The following MAGI2 variants were observed in gnomAD, a reference collection of about 807,000 sequenced individuals.
MAGI2 encodes membrane associated guanylate kinase, WW and PDZ domain containing 2.
Under a neutral mutation model 133.3 loss-of-function variants are expected in MAGI2, and 35 were observed. The observed-to-expected ratio is 0.26, with a 90% CI of 0.20 to 0.35. The LOEUF is 0.35. MAGI2 is among the 10% of genes least tolerant of loss of function. The pLI is 1.00. For missense variants in MAGI2, 1,636 were observed against 1,863.4 expected (o/e 0.88, Z 2.25); for synonymous variants, 729 against 710.6 (o/e 1.03, Z -0.41).
At chr7:78,369,442 T>TGC (rs1793706800) in intron 6 of MAGI2, among the ~76,000 whole-genome samples, 1 of 152,100 alleles carries the variant, frequency 6.6e-6, no homozygotes, top group Non-Finnish European at 1.5e-5. Context: ...CTGCTCGGTC[T>TGC]AGCCATTTGT....
chr7:78,886,630 G>C (rs1796293943), intron 2 of MAGI2, among the ~76,000 whole-genome samples: 1 of 152,184 alleles, frequency 6.6e-6, no homozygotes, highest in Non-Finnish European at 1.5e-5. Flanking sequence ...TCAGCACTGG[G>C]TGGATAATCC....
chr7:78,746,197 G>A (rs1822913158), intron 2 of MAGI2, among the ~76,000 whole-genome samples: 1 of 152,174 alleles, frequency 6.6e-6, no homozygotes, highest in South Asian at 2.1e-4. Context: ...TTCTCAAAGA[G>A]CAATTTTGTA....
chr7:79,199,172 A>G (rs1297206469), intron 1 of MAGI2, among the ~76,000 whole-genome samples: 1 of 152,074 alleles, frequency 6.6e-6, no homozygotes, highest in Non-Finnish European at 1.5e-5. Flanking sequence ...CATTTTGTAA[A>G]GCTTAGATTC....
intron 2 of MAGI2, among the ~76,000 whole-genome samples, chr7:78,958,322 A>ATCCCCACC (rs1480169777): frequency 6.6e-6 from 1 of 152,122 alleles, no homozygotes; most frequent in Non-Finnish European, 1.5e-5. Flanking sequence ...GGGTGAGATG[A>ATCCCCACC]CATAGGCTTT....
At chr7:78,866,273 T>C (rs982083042) in intron 2 of MAGI2, among the ~76,000 whole-genome samples, 1 of 152,112 alleles carries the variant, frequency 6.6e-6, no homozygotes. Flanking sequence ...ATTCAGCCAC[T>C]TGATGGAATG....
At chr7:78,710,302 G>A (rs2627542) in intron 2 of MAGI2, among the ~76,000 whole-genome samples, 103,305 of 152,022 alleles carry the variant, frequency 0.68, 35,238 homozygotes, top group East Asian at 0.84. Context: ...TAAATCCTTT[G>A]CCAGCCCTGC....
At chr7:78,715,278 A>T (rs1167178098) in intron 2 of MAGI2, among the ~76,000 whole-genome samples, 1 of 152,164 alleles carries the variant, frequency 6.6e-6, no homozygotes, top group Non-Finnish European at 1.5e-5. Context: ...AGTGAATTGG[A>T]ATGGACTCCT....
chr7:78,751,720 A>G (rs909124770), intron 2 of MAGI2, among the ~76,000 whole-genome samples: 1 of 152,232 alleles, frequency 6.6e-6, no homozygotes, highest in Non-Finnish European at 1.5e-5. Flanking sequence ...TCAACTCAGG[A>G]CAAACTATAA....
At chr7:78,129,834 C>G (rs1821370889) in intron 18 of MAGI2, among the ~76,000 whole-genome samples, 1 of 147,958 alleles carries the variant, frequency 6.8e-6, no homozygotes, top group Non-Finnish European at 1.5e-5. Flanking sequence ...ACTAAGGAGG[C>G]TGAGGCAGGA....
chr7:78,586,501 A>C, intron 3 of MAGI2, among the ~76,000 whole-genome samples: 1 of 152,236 alleles, frequency 6.6e-6, no homozygotes, highest in East Asian at 1.9e-4. Flanking sequence ...CTGGGCAATA[A>C]GGCAGACTGA....
At chr7:79,090,507 G>A (rs967472362) in intron 1 of MAGI2, among the ~76,000 whole-genome samples, 2 of 152,090 alleles carry the variant, frequency 1.3e-5, no homozygotes, top group East Asian at 3.9e-4. Flanking sequence ...AATATTAGCT[G>A]ATTTGCTTAG....
intron 21 of MAGI2, 101 bp from the exon 22 acceptor site, chr7:78,020,077 CAG>C (rs1808210240): frequency 2.7e-6 from 3 of 1,101,438 alleles, no homozygotes; most frequent in African/African-American, 3.3e-5. Flanking sequence ...CGATTGCTCT[CAG>C]GGGCCGGAGC....
At chr7:79,145,140 T>C (rs1043989708) in intron 1 of MAGI2, among the ~76,000 whole-genome samples, 1 of 152,188 alleles carries the variant, frequency 6.6e-6, no homozygotes, top group Non-Finnish European at 1.5e-5. Context: ...AGGAAGGGTC[T>C]ACTACTTCCT....
chr7:79,404,864 A>G (rs1336411421), intron 1 of MAGI2, among the ~76,000 whole-genome samples: 1 of 152,116 alleles, frequency 6.6e-6, no homozygotes, highest in Non-Finnish European at 1.5e-5. Context: ...TCCTAAGGGG[A>G]ACGTTCTTAC....
chr7:78,522,451 G>A (rs569780216), intron 3 of MAGI2, among the ~76,000 whole-genome samples: 11 of 152,090 alleles, frequency 7.2e-5, no homozygotes, highest in South Asian at 2.1e-4. Context: ...CAATCTTGGC[G>A]GACTGATACC....
At chr7:78,193,588 A>T (rs1031772981) in intron 12 of MAGI2, among the ~76,000 whole-genome samples, 1 of 152,194 alleles carries the variant, frequency 6.6e-6, no homozygotes, top group African/African-American at 2.4e-5. Context: ...AATGAACATT[A>T]ATACCCTGAA....
At chr7:78,865,404 T>A (rs942104079) in intron 2 of MAGI2, among the ~76,000 whole-genome samples, 2 of 151,746 alleles carry the variant, frequency 1.3e-5, no homozygotes, top group Non-Finnish European at 2.9e-5. Context: ...AAATATAGAG[T>A]TGGAATTGTG....
At position 78,298,008 on chromosome 7, in the gene MAGI2, A is replaced by G. The variant is rs78092311; in HGVS notation, c.1409-41427T>C. Among the ~76,000 whole-genome samples, 1,902 of 145,588 alleles carry G rather than the reference A, an allele frequency of 0.013. 112 individuals carry two copies. The East Asian group carries it at 0.13, about 10-fold the overall frequency. On this transcript the variant is annotated intron_variant, in intron 9 of 21. Coordinates refer to ENST00000354212, the MANE Select transcript of MAGI2 (RefSeq NM_012301.4). ...AATTAAAAAAAAAGAATTGTCTGGG[A>G]AAAAAAAAAGATTAACATTAACAAG...
intron 6 of MAGI2, among the ~76,000 whole-genome samples, chr7:78,448,108 T>C (rs574928439): frequency 2.1e-4 from 32 of 152,238 alleles, no homozygotes; most frequent in Middle Eastern, 3.4e-3. Context: ...TTTCCTTCTT[T>C]TTATGACTGA....
Sources: gnomAD v4.1 joint callset for allele counts (sites outside exome capture counted in the v4.1 genomes callset) on GRCh38, gnomAD v4.1.1 for gene constraint, MANE v1.5 for transcripts, NCBI Gene and HGNC (gene_info 2026-07-23, HGNC 2026-07-21) for gene names.